The following SGCD variants were observed in gnomAD, a reference collection of about 807,000 sequenced individuals.
SGCD encodes sarcoglycan delta, also known as delta-sarcoglycan.
A neutral mutation model predicts 36.6 loss-of-function variants in SGCD; 18 were observed. The observed-to-expected ratio is 0.49, with a 90% CI of 0.34 to 0.73. SGCD has a LOEUF of 0.73. Ranked by LOEUF, SGCD falls within the 30% of genes least tolerant of loss-of-function variation. The pLI is 0.01. For synonymous variants in SGCD, 133 were observed against 130.6 expected (o/e 1.02, Z -0.12); for missense variants, 387 against 346.7 (o/e 1.12, Z -0.92).
At chr5:156,342,058 C>A (rs1290323912) in intron 2 of SGCD, among the ~76,000 whole-genome samples, 2 of 152,194 alleles carry the variant, frequency 1.3e-5, no homozygotes, top group Admixed American at 6.5e-5. Context: ...TGATGTGCAT[C>A]CAGGGCTGAG....
intron 1 of SGCD, among the ~76,000 whole-genome samples, chr5:156,022,044 C>T (rs1057427364): frequency 6.6e-6 from 1 of 152,080 alleles, no homozygotes; most frequent in Non-Finnish European, 1.5e-5. Flanking sequence ...TACTCATGCC[C>T]CCATCTTCTC....
chr5:156,438,169 A>G (rs918051483), intron 3 of SGCD, among the ~76,000 whole-genome samples: 2 of 152,194 alleles, frequency 1.3e-5, no homozygotes, highest in African/African-American at 4.8e-5. Context: ...TTGGAAAACC[A>G]TAAATGAGTT....
intron 3 of SGCD, among the ~76,000 whole-genome samples, chr5:156,157,293 G>T (rs1762985495): frequency 6.6e-6 from 1 of 151,678 alleles, no homozygotes; most frequent in Non-Finnish European, 1.5e-5. Context: ...CGTGCACTAT[G>T]GGCATGAGTA....
chr5:155,952,508 T>G (rs940949120), intron 1 of SGCD, among the ~76,000 whole-genome samples: 2 of 152,164 alleles, frequency 1.3e-5, no homozygotes, highest in African/African-American at 4.8e-5. Context: ...TGTCAATGTC[T>G]GCCTTGGTCT....
chr5:156,504,392 GTATATATATATATATA>G (rs59580975), intron 3 of SGCD, among the ~76,000 whole-genome samples: 38 of 75,098 alleles, frequency 5.1e-4, no homozygotes, highest in African/African-American at 8.9e-4. Flanking sequence ...GTGTGTGTGT[GTATATATATATATATA>G]TATATATATA....
intron 7 of SGCD, among the ~76,000 whole-genome samples, chr5:156,721,395 C>A (rs1307074617): frequency 2.6e-5 from 4 of 152,090 alleles, no homozygotes; most frequent in Admixed American, 6.5e-5. Context: ...AAGAGATGTT[C>A]CAGAAGGCCA....
At chr5:155,765,748 T>G in the SGCD span, among the ~76,000 whole-genome samples, 2 of 151,856 alleles carry the variant, frequency 1.3e-5, no homozygotes, top group African/African-American at 2.4e-5. Context: ...AAAGAGATAG[T>G]TTTTTAAGGA....
Position 156,647,526 on chromosome 5 carries a change from A to G in SGCD, c.565A>G (p.Lys189Glu), listed in dbSNP as rs967944466. 1.3e-6 allele frequency: 2 copies of G among 1,576,804 alleles called. No individual in the cohort carries two copies. Among genetic ancestry groups the G allele is most frequent in the African/African-American group, 2.7e-5 (2 of 74,270 alleles). ...ETPNVRADPF[K>E]ELRLESPTRS... is the part of the protein sequence containing the mutation. The stretch of plus-strand genomic sequence containing the variant: ...ACCTAATGTCAGGGCAGACCCCTTC[A>G]AAGAACTAAGGTAAACTTCTGACTT... The change falls in exon 7 of 9, where the codon AAA becomes GAA. Residue 189 changes from lysine to glutamate, a missense_variant. Coordinates refer to ENST00000337851, the MANE Select transcript of SGCD (RefSeq NM_000337.6).
intron 3 of SGCD, among the ~76,000 whole-genome samples, chr5:156,242,490 A>C (rs1348668479): frequency 6.6e-6 from 1 of 152,178 alleles, no homozygotes; most frequent in African/African-American, 2.4e-5. Flanking sequence ...AGTACATGTA[A>C]GACTTGGGAA....
In SGCD at chr5:156,531,966, C is replaced by T. The variant is rs752247957; in HGVS notation, c.294+23264C>T. On this transcript the variant is annotated intron_variant, in intron 4 of 8. Coordinates refer to ENST00000337851, the MANE Select transcript of SGCD (RefSeq NM_000337.6). Reference sequence around the variant, plus strand: ...TCTACTAAAAATACAAAAAATTAGCCGGACATGGTGACAAGCGCCTGTAAT... The same window carrying T: ...TCTACTAAAAATACAAAAAATTAGCTGGACATGGTGACAAGCGCCTGTAAT... 6.6e-5 allele frequency among the ~76,000 whole-genome samples: 10 copies of T among 151,766 alleles called. 1 individual carries two copies. Among genetic ancestry groups the T allele is most frequent in the South Asian group, 6.3e-4 (3 of 4,792 alleles).
chr5:156,105,149 A>C (rs1419317104), intron 1 of SGCD, among the ~76,000 whole-genome samples: 1 of 151,666 alleles, frequency 6.6e-6, no homozygotes, highest in Non-Finnish European at 1.5e-5. Flanking sequence ...GTATAATAAA[A>C]AATAAAATAA....
intron 1 of SGCD, among the ~76,000 whole-genome samples, chr5:156,069,335 C>T (rs1236343914): frequency 1.3e-4 from 20 of 151,956 alleles, no homozygotes; most frequent in African/African-American, 3.4e-4. Context: ...TTCAGCTTTC[C>T]ATATATGGCT....
chr5:156,152,959 C>A (rs1045733501), intron 3 of SGCD, among the ~76,000 whole-genome samples: 1 of 151,542 alleles, frequency 6.6e-6, no homozygotes, highest in African/African-American at 2.4e-5. Context: ...AGAAAATGAG[C>A]TTGGTGGGTT....
chr5:156,363,275 G>T (rs1172693652), intron 3 of SGCD, among the ~76,000 whole-genome samples: 3 of 152,058 alleles, frequency 2.0e-5, no homozygotes, highest in Admixed American at 2.0e-4. Context: ...GCCTTCCATG[G>T]TAACTCACGT....
chr5:156,232,472 C>A (rs1213394747), intron 3 of SGCD, among the ~76,000 whole-genome samples: 1 of 152,188 alleles, frequency 6.6e-6, no homozygotes, highest in Non-Finnish European at 1.5e-5. Flanking sequence ...CAGTCGAAAA[C>A]CCGTCTTATA....
intron 3 of SGCD, among the ~76,000 whole-genome samples, chr5:156,249,369 A>G (rs1291223351): frequency 6.6e-6 from 1 of 152,222 alleles, no homozygotes; most frequent in Non-Finnish European, 1.5e-5. Flanking sequence ...CTGAGAAAAA[A>G]GTCAAGTAAG....
At chr5:156,070,853 G>C (rs1760529346) in intron 1 of SGCD, among the ~76,000 whole-genome samples, 1 of 152,174 alleles carries the variant, frequency 6.6e-6, no homozygotes, top group African/African-American at 2.4e-5. Flanking sequence ...TCCTGGTTTA[G>C]TCTTGGGAGG....
intron 6 of SGCD, among the ~76,000 whole-genome samples, chr5:156,640,983 AGCC>A (rs1441742013): frequency 2.6e-5 from 4 of 152,222 alleles, no homozygotes; most frequent in Non-Finnish European, 5.9e-5. Context: ...AGAAGCTGAC[AGCC>A]ACCTTCCCTG....
At chr5:156,626,747 A>G (rs898377798) in intron 6 of SGCD, among the ~76,000 whole-genome samples, 1 of 151,972 alleles carries the variant, frequency 6.6e-6, no homozygotes, top group African/African-American at 2.4e-5. Flanking sequence ...TTTATACTCT[A>G]CATTCACCCC....
Sources: allele counts gnomAD v4.1 joint callset (sites outside exome capture counted in the v4.1 genomes callset), GRCh38; gene constraint gnomAD v4.1.1; transcripts MANE v1.5; gene names NCBI Gene and HGNC (gene_info 2026-07-23, HGNC 2026-07-21).